The following TARS3 variants were observed in gnomAD, a reference collection of about 807,000 sequenced individuals.
The protein encoded by TARS3 is threonyl-tRNA synthetase 3.
A neutral mutation model predicts 103.5 loss-of-function variants in TARS3; 94 were observed. The ratio of observed to expected loss-of-function variants is 0.91; its 90% CI spans 0.77 to 1.08. The LOEUF (loss-of-function observed/expected upper bound fraction) is 1.08. Among genes scored for constraint, TARS3 ranks in the 50% least tolerant of loss-of-function variants. The probability of loss-of-function intolerance (pLI) is 0.00; values close to 1 mark genes in which losing one functional copy is unlikely to be tolerated. For missense variants in TARS3, 952 were observed against 995.2 expected (o/e 0.96, Z 0.58); for synonymous variants, 416 against 355.4 (o/e 1.17, Z -1.92).
intron 1 of TARS3, among the ~76,000 whole-genome samples, chr15:101,723,389 C>T (rs1900589710): frequency 6.6e-6 from 1 of 152,092 alleles, no homozygotes; most frequent in African/African-American, 2.4e-5. Flanking sequence ...TCTTGAAAAC[C>T]TTTTGTCCTG....
intron 10 of TARS3, among the ~76,000 whole-genome samples, chr15:101,690,861 T>C (rs1287095331): frequency 6.6e-6 from 1 of 152,206 alleles, no homozygotes; most frequent in Non-Finnish European, 1.5e-5. Context: ...ACCAGATTAG[T>C]AGCAATTTAA....
chr15:101,703,535 A>T (rs905559677), intron 8 of TARS3, among the ~76,000 whole-genome samples: 1 of 152,166 alleles, frequency 6.6e-6, no homozygotes, highest in African/African-American at 2.4e-5. Flanking sequence ...GATTGCAGTG[A>T]GCCAAGATCA....
intron 4 of TARS3, among the ~76,000 whole-genome samples, chr15:101,712,933 G>A (rs1231578119): frequency 3.3e-5 from 5 of 152,226 alleles, no homozygotes; most frequent in African/African-American, 1.2e-4. Flanking sequence ...GACCCAGAGG[G>A]TCAGTCCTTA....
At chr15:101,703,133 T>A (rs1157147634) in intron 8 of TARS3, among the ~76,000 whole-genome samples, 1 of 152,210 alleles carries the variant, frequency 6.6e-6, no homozygotes, top group African/African-American at 2.4e-5. Flanking sequence ...GTCAGTCCCA[T>A]GCCTCCTAAT....
intron 3 of TARS3, among the ~76,000 whole-genome samples, chr15:101,715,712 C>G (rs888108688): frequency 2.0e-5 from 3 of 152,172 alleles, no homozygotes; most frequent in African/African-American, 4.8e-5. Flanking sequence ...GAAGCCTCCA[C>G]TGCTGCACAC....
chr15:101,654,944 T>C (rs1195479627), intron 18 of TARS3, among the ~76,000 whole-genome samples: 4 of 152,242 alleles, frequency 2.6e-5, no homozygotes, highest in African/African-American at 9.6e-5. Flanking sequence ...AGAACAGCTC[T>C]TGTGGTCCTG....
At chr15:101,681,514 C>A (rs1451125233) in intron 12 of TARS3, among the ~76,000 whole-genome samples, 1 of 152,150 alleles carries the variant, frequency 6.6e-6, no homozygotes, top group Non-Finnish European at 1.5e-5. Context: ...GCTTGGGCTG[C>A]CAGAACAAAA....
rs1456458275 is a variant in TARS3 at position 101,724,086 on chromosome 15, G to A, written c.297+5C>T. 2.2e-6 allele frequency: 3 copies of A among 1,361,428 alleles called. No homozygotes were observed. Among genetic ancestry groups the A allele is most frequent in the Middle Eastern group, 2.6e-4 (1 of 3,814 alleles). The allele number at this position is 1,361,428 out of a possible 1,614,324, so 84.3% of individuals were successfully genotyped here. On this transcript the variant is annotated splice_donor_5th_base_variant and intron_variant, in intron 1 of 18. Transcript: ENST00000335968. ...TCCTCTCCAGTGTCCCCACCGCCCG[G>A]TTACCTGTGCGCCGGCCTCCTGCGC...
At chr15:101,719,367 C>T (rs576774613) in intron 3 of TARS3, among the ~76,000 whole-genome samples, 51 of 152,290 alleles carry the variant, frequency 3.3e-4, no homozygotes, top group African/African-American at 1.2e-3. Context: ...AAATCCCAGG[C>T]TTTGAGCTAT....
At chr15:101,704,826 T>C (rs903423905) in intron 7 of TARS3, among the ~76,000 whole-genome samples, 1 of 152,234 alleles carries the variant, frequency 6.6e-6, no homozygotes. Flanking sequence ...AATTTAAAAC[T>C]TGGCCTGTTT....
At chr15:101,691,428 C>T (rs1240070483) in intron 10 of TARS3, among the ~76,000 whole-genome samples, 1 of 152,126 alleles carries the variant, frequency 6.6e-6, no homozygotes, top group East Asian at 1.9e-4. Flanking sequence ...CACAAATGTG[C>T]ACCACTACGC....
At chr15:101,686,917 T>C (rs913935198) in intron 10 of TARS3, among the ~76,000 whole-genome samples, 3 of 151,730 alleles carry the variant, frequency 2.0e-5, no homozygotes, top group Non-Finnish European at 2.9e-5. Flanking sequence ...TTGAGCACAT[T>C]TGAAAAACTG....
Position 101,686,037 on chromosome 15 carries a change from G to A in TARS3, c.1346C>T (p.Thr449Met), listed in dbSNP as rs370885055. 79 of 1,610,498 alleles carry A rather than the reference G, an allele frequency of 4.9e-5. No homozygotes were observed. The highest frequency in any genetic ancestry group is 6.3e-5 in the Non-Finnish European group (74 of 1,177,882). ...IREEYHKRDF[T>M]EVLSPNMYNS... ...GTACATATTGGGAGAGAGCACCTCC[G>A]TGAAGTCCCGTTTGTGATATTCCTC... The change falls in exon 11 of 19, where the codon ACG becomes ATG. Residue 449 changes from threonine (T) to methionine (M), a missense_variant. Coordinates refer to ENST00000335968, the MANE Select transcript of TARS3 (RefSeq NM_152334.3).
At chr15:101,713,455 G>T (rs1899964680) in intron 4 of TARS3, among the ~76,000 whole-genome samples, 1 of 152,218 alleles carries the variant, frequency 6.6e-6, no homozygotes, top group Non-Finnish European at 1.5e-5. Context: ...CGATGGGAAT[G>T]AATTTCAGGG....
At chr15:101,692,080 T>C (rs1385194187) in intron 10 of TARS3, among the ~76,000 whole-genome samples, 1 of 152,252 alleles carries the variant, frequency 6.6e-6, no homozygotes, top group Admixed American at 6.5e-5. Flanking sequence ...TGGAGAATCC[T>C]GACATGCCAA....
intron 7 of TARS3, among the ~76,000 whole-genome samples, chr15:101,704,310 G>A (rs919012906): frequency 6.6e-6 from 1 of 152,104 alleles, no homozygotes; most frequent in African/African-American, 2.4e-5. Context: ...TCAGATGAAG[G>A]GAAGGAATGC....
At chr15:101,656,708 G>A (rs985736947) in intron 18 of TARS3, among the ~76,000 whole-genome samples, 1 of 152,174 alleles carries the variant, frequency 6.6e-6, no homozygotes, top group Non-Finnish European at 1.5e-5. Flanking sequence ...TATCCCAGGG[G>A]ATTCAGGTGA....
At chr15:101,679,496 C>T (rs1440274667) in intron 12 of TARS3, among the ~76,000 whole-genome samples, 3 of 136,256 alleles carry the variant, frequency 2.2e-5, no homozygotes, top group South Asian at 2.6e-4. Flanking sequence ...TCTGTTTCTT[C>T]GCTGACTTTG....
At position 101,723,971 on chromosome 15, in the gene TARS3, C is replaced by A. The variant is rs1194676906; in HGVS notation, c.297+120G>T. The A allele has an allele frequency of 4.1e-6, 4 of 984,928 alleles. No individual in the cohort carries two copies. In the East Asian group the frequency reaches 1.3e-4, roughly 32 times the overall value. 61.0% of individuals were successfully genotyped at this position (984,928 alleles called of 1,614,324 possible). A position where few individuals can be genotyped will look rare whatever the true frequency, so the allele number is the denominator to read the frequency against. On this transcript the variant is annotated intron_variant, in intron 1 of 18. Coordinates refer to ENST00000335968, the MANE Select transcript of TARS3 (RefSeq NM_152334.3). ...GGCAGGGCGGGCCAGCCGCAGGGCA[C>A]TGGGAGGGCACTCCCCCGGGGCGCC...
Sources: allele counts gnomAD v4.1 joint callset (sites outside exome capture counted in the v4.1 genomes callset), GRCh38; gene constraint gnomAD v4.1.1; transcripts MANE v1.5; gene names NCBI Gene and HGNC (gene_info 2026-07-23, HGNC 2026-07-21).